TENT4B: variants seen among roughly 807,000 people sequenced by gnomAD.
TENT4B encodes terminal nucleotidyltransferase 4B, also known as PAP associated domain containing 5.
Under a neutral mutation model 75.0 loss-of-function variants are expected in TENT4B, and 10 were observed. The ratio of observed to expected loss-of-function variants is 0.13; its 90% CI spans 0.08 to 0.23. TENT4B has a LOEUF of 0.23. Ranked by LOEUF, TENT4B falls within the 10% of genes least tolerant of loss-of-function variation. TENT4B has a pLI of 1.00. For synonymous variants in TENT4B, 350 were observed against 357.7 expected, an observed-to-expected ratio of 0.98 and a Z score of 0.24; for missense variants, 579 against 893.8, an observed-to-expected ratio of 0.65 and a Z score of 4.49.
rs575513339 is a variant in TENT4B, at chr16:50,232,706, T to C, written c.*3378T>C. The C allele has an allele frequency of 7.1e-4, 697 of 985,352 alleles. No homozygotes were observed. Among genetic ancestry groups the C allele is most frequent in the Non-Finnish European group, 8.0e-4 (668 of 829,918 alleles). 61.0% of individuals were successfully genotyped at this position (985,352 alleles called of 1,614,324 possible). ...CTCCAGTGACTAGGAGGTGTAGTTATTAAGGTTGATCTGTTAGAAATCACC... is the reference window on the plus strand; with the variant it reads ...CTCCAGTGACTAGGAGGTGTAGTTACTAAGGTTGATCTGTTAGAAATCACC... On this transcript the variant is annotated 3_prime_UTR_variant, in exon 12 of 12. Coordinates refer to ENST00000561678, the MANE Select transcript of TENT4B (RefSeq NM_001365324.3).
At chr16:50,198,999 T>G (rs1242507996) in intron 1 of TENT4B, among the ~76,000 whole-genome samples, 1 of 152,256 alleles carries the variant, frequency 6.6e-6, no homozygotes, top group African/African-American at 2.4e-5. Flanking sequence ...CAGAGAAAGC[T>G]CAAGTGCCTA....
chr16:50,231,277 T>A lies in TENT4B; in HGVS notation c.*1949T>A. The A allele has an allele frequency of 1.0e-6, 1 of 985,392 alleles. No homozygotes were observed. Among genetic ancestry groups the A allele is most frequent in the East Asian group, 1.1e-4 (1 of 8,818 alleles). 61.0% of individuals were successfully genotyped at this position (985,392 alleles called of 1,614,324 possible). On this transcript the variant is annotated 3_prime_UTR_variant, in exon 12 of 12. Coordinates refer to ENST00000561678, the MANE Select transcript of TENT4B (RefSeq NM_001365324.3). ...AGCTTTTGTTTTTGAAACTAGTTTG[T>A]CATAACATTGTGCATAATCACAGTA...
chr16:50,182,432 C>A (rs1240605066), intron 1 of TENT4B, among the ~76,000 whole-genome samples: 1 of 152,124 alleles, frequency 6.6e-6, no homozygotes, highest in East Asian at 1.9e-4. Flanking sequence ...TTTCAAAATA[C>A]CTCTTCGTTA....
chr16:50,179,370 A>T (rs571518756), intron 1 of TENT4B, among the ~76,000 whole-genome samples: 17 of 147,944 alleles, frequency 1.1e-4, no homozygotes, highest in East Asian at 7.9e-4. Context: ...TCAAAAGAAA[A>T]TTTTTTTTTT....
At chr16:50,219,675 C>G (rs930873985) in intron 5 of TENT4B, among the ~76,000 whole-genome samples, 1 of 147,082 alleles carries the variant, frequency 6.8e-6, no homozygotes, top group Non-Finnish European at 1.5e-5. Flanking sequence ...TCTCTCTCTC[C>G]CTCCCCCTTT....
At position 50,230,813 on chromosome 16, in the gene TENT4B, G is replaced by A; in HGVS notation, c.*1485G>A. The A allele has an allele frequency of 3.0e-6, 3 of 985,598 alleles. No individual in the cohort carries two copies. Among genetic ancestry groups the A allele is most frequent in the Non-Finnish European group, 3.6e-6 (3 of 829,704 alleles). 61.1% of individuals were successfully genotyped at this position (985,598 alleles called of 1,614,324 possible). A position where few individuals can be genotyped will look rare whatever the true frequency, so the allele number is the denominator to read the frequency against. ...GAATATTTAATATAATAGAATGTAA[G>A]TGACATTTCTGAAAATGCTTTCTTT... On this transcript the variant is annotated 3_prime_UTR_variant, in exon 12 of 12. Coordinates refer to ENST00000561678, the MANE Select transcript of TENT4B (RefSeq NM_001365324.3).
rs1397067434 is a variant in TENT4B at position 50,234,145 on chromosome 16, GA to G, written c.*4820del. On this transcript the variant is annotated 3_prime_UTR_variant, in exon 12 of 12. Transcript: ENST00000561678. ...AACAAAACGCATATAGTACCAGTGAGAAACTATGAAGTAAACAAGTTGCTCA... is the reference window on the plus strand; with the variant it reads ...AACAAAACGCATATAGTACCAGTGAGAACTATGAAGTAAACAAGTTGCTCA... 9 of 985,346 alleles carry G rather than the reference GA, an allele frequency of 9.1e-6. No individual in the cohort carries two copies. The highest frequency in any genetic ancestry group is 5.2e-4 in the Middle Eastern group (1 of 1,936). The allele number at this position is 985,346 out of a possible 1,614,324, so 61.0% of individuals were successfully genotyped here.
chr16:50,203,855 A>C (rs1213248526), intron 1 of TENT4B, among the ~76,000 whole-genome samples: 2 of 152,156 alleles, frequency 1.3e-5, no homozygotes, highest in Non-Finnish European at 2.9e-5. Context: ...AAGCAGGAAG[A>C]GTTGAGTCTG....
intron 1 of TENT4B, among the ~76,000 whole-genome samples, chr16:50,159,559 A>AC (rs1187288132): frequency 2.0e-5 from 3 of 152,084 alleles, no homozygotes; most frequent in Admixed American, 2.0e-4. Flanking sequence ...TTATTTCTAC[A>AC]CAGTGTTACC....
At chr16:50,182,182 G>A (rs1417509503) in intron 1 of TENT4B, among the ~76,000 whole-genome samples, 3 of 152,068 alleles carry the variant, frequency 2.0e-5, no homozygotes, top group Non-Finnish European at 4.4e-5. Context: ...CGGGAGGATC[G>A]CTTGAGCCTG....
At chr16:50,223,078 A>T (rs908559254) in intron 6 of TENT4B, 96 bp from the exon 7 acceptor site, 3 of 1,059,156 alleles carry the variant, frequency 2.8e-6, no homozygotes, top group African/African-American at 1.6e-5. Flanking sequence ...CCAAAATTAT[A>T]ATAATATTGC....
intron 1 of TENT4B, among the ~76,000 whole-genome samples, chr16:50,163,689 G>A (rs1019383324): frequency 4.0e-5 from 6 of 151,000 alleles, no homozygotes; most frequent in African/African-American, 9.7e-5. Context: ...ATGAGCCACC[G>A]CGCCCGGCCT....
chr16:50,154,368 T>C, intron 1 of TENT4B, 109 bp downstream of exon 1: 1 of 1,334,624 alleles, frequency 7.5e-7, no homozygotes, highest in Non-Finnish European at 9.6e-7. Context: ...CCCCACGGCC[T>C]GCCTTCGCTG....
At chr16:50,224,085 G>T (rs916275763) in intron 7 of TENT4B, among the ~76,000 whole-genome samples, 2 of 152,186 alleles carry the variant, frequency 1.3e-5, no homozygotes, top group African/African-American at 2.4e-5. Context: ...AGTAAGGAAA[G>T]GGGGTGAAGA....
chr16:50,232,239 T>G lies in TENT4B; in HGVS notation c.*2911T>G. ...CTGGTTTTGAATGTCTTTGTTTGGTTTGGAGATGTCGCACTCAGTTTTCAA... is the reference window on the plus strand; with the variant it reads ...CTGGTTTTGAATGTCTTTGTTTGGTGTGGAGATGTCGCACTCAGTTTTCAA... On this transcript the variant is annotated 3_prime_UTR_variant, in exon 12 of 12. Coordinates refer to ENST00000561678, the MANE Select transcript of TENT4B (RefSeq NM_001365324.3). 1.0e-6 allele frequency: 1 copy of G among 985,434 alleles called. No individual in the cohort carries two copies. Among genetic ancestry groups the G allele is most frequent in the Middle Eastern group, 5.2e-4 (1 of 1,914 alleles). The allele number at this position is 985,434 out of a possible 1,614,324, so 61.0% of individuals were successfully genotyped here.
chr16:50,220,226 G>A (rs952103452), intron 5 of TENT4B, among the ~76,000 whole-genome samples: 2 of 152,064 alleles, frequency 1.3e-5, no homozygotes, highest in Non-Finnish European at 2.9e-5. Flanking sequence ...GACCTCAGGT[G>A]ATCCGCCCTC....
At chr16:50,153,072 G>C, upstream of TENT4B, 8 of 1,407,770 alleles carry the variant, frequency 5.7e-6, no homozygotes, top group Non-Finnish European at 5.6e-6. Context: ...AGTACGGTTG[G>C]GCCAGGCGGT....
At chr16:50,160,265 C>T (rs542212926) in intron 1 of TENT4B, among the ~76,000 whole-genome samples, 2 of 152,184 alleles carry the variant, frequency 1.3e-5, no homozygotes, top group Admixed American at 6.5e-5. Flanking sequence ...AATACTGTCA[C>T]CATTAATCAT....
chr16:50,221,353 C>A (rs2031818520), intron 5 of TENT4B, among the ~76,000 whole-genome samples: 2 of 152,168 alleles, frequency 1.3e-5, no homozygotes, highest in Non-Finnish European at 2.9e-5. Context: ...GTGGCCCCAG[C>A]CTATGGCATG....
Sources: gnomAD v4.1 joint callset for allele counts (sites outside exome capture counted in the v4.1 genomes callset) on GRCh38, gnomAD v4.1.1 for gene constraint, MANE v1.5 for transcripts, NCBI Gene and HGNC (gene_info 2026-07-23, HGNC 2026-07-21) for gene names.